Variants in PDE7B observed in about 807,000 individuals in gnomAD.
PDE7B encodes the protein phosphodiesterase 7B.
A neutral mutation model predicts 56.2 loss-of-function variants in PDE7B; 29 were observed. The observed-to-expected ratio is 0.52, with a 90% CI of 0.38 to 0.70. PDE7B has a LOEUF of 0.70. PDE7B is among the 30% of genes least tolerant of loss of function. The probability of loss-of-function intolerance (pLI) is 0.00; values close to 1 mark genes in which losing one functional copy is unlikely to be tolerated. For missense variants in PDE7B, 490 were observed against 565.0 expected (o/e 0.87, Z 1.35); for synonymous variants, 197 against 196.9 (o/e 1.00, Z 0.00).
At chr6:135,968,424 C>T (rs1775036310) in intron 2 of PDE7B, among the ~76,000 whole-genome samples, 1 of 151,994 alleles carries the variant, frequency 6.6e-6, no homozygotes, top group East Asian at 1.9e-4. Flanking sequence ...ATTCTAACAT[C>T]TAGAATCTAC....
chr6:136,116,477 C>T (rs1777833113), intron 3 of PDE7B, among the ~76,000 whole-genome samples: 1 of 152,216 alleles, frequency 6.6e-6, no homozygotes, highest in Non-Finnish European at 1.5e-5. Flanking sequence ...TGTAATCAGG[C>T]TGCAGACTGT....
intron 2 of PDE7B, among the ~76,000 whole-genome samples, chr6:136,002,571 C>T (rs1193466799): frequency 1.3e-5 from 2 of 152,164 alleles, no homozygotes; most frequent in Non-Finnish European, 2.9e-5. Flanking sequence ...ATAAAACAGA[C>T]CTGAAACCAA....
At chr6:136,023,867 A>G (rs1176555448) in intron 2 of PDE7B, among the ~76,000 whole-genome samples, 2 of 152,204 alleles carry the variant, frequency 1.3e-5, no homozygotes. Flanking sequence ...AAAGAAGAAA[A>G]TCACTACTTT....
chr6:136,016,796 C>T (rs542127654), intron 2 of PDE7B, among the ~76,000 whole-genome samples: 65 of 152,302 alleles, frequency 4.3e-4, no homozygotes, highest in Non-Finnish European at 8.2e-4. Context: ...CTCATCTGCA[C>T]ATTCTAAGGG....
At chr6:136,162,476 C>T (rs1778722665) in intron 8 of PDE7B, 1 of 152,196 alleles carries the variant, frequency 6.6e-6, no homozygotes, top group African/African-American at 2.4e-5. Context: ...CCTCCCATCA[C>T]ATGTAGGGCT....
intron 2 of PDE7B, among the ~76,000 whole-genome samples, chr6:136,005,563 T>C (rs962568253): frequency 6.6e-6 from 1 of 152,204 alleles, no homozygotes; most frequent in Non-Finnish European, 1.5e-5. Context: ...CAGACACTTC[T>C]CAAAAGAAGA....
chr6:136,045,768 G>A, intron 2 of PDE7B, among the ~76,000 whole-genome samples: 1 of 152,008 alleles, frequency 6.6e-6, no homozygotes, highest in Non-Finnish European at 1.5e-5. Context: ...AAATTGAAAG[G>A]TACAGGAGCC....
In PDE7B at chr6:136,109,915, A is replaced by G. The variant is rs192355604; in HGVS notation, c.166+1101A>G. ...TCTATAAATTTCAAAGTGCTAGATTATACCCAAAGAATATTACTTTCCTTT... is the reference window on the plus strand; with the variant it reads ...TCTATAAATTTCAAAGTGCTAGATTGTACCCAAAGAATATTACTTTCCTTT... On this transcript the variant is annotated intron_variant, in intron 3 of 12. Coordinates refer to ENST00000308191, the MANE Select transcript of PDE7B (RefSeq NM_018945.4). Among the ~76,000 whole-genome samples, 64 of 152,350 alleles carry G rather than the reference A, an allele frequency of 4.2e-4. 2 individuals are homozygous for G. The highest frequency in any genetic ancestry group is 1.6e-4 in the Non-Finnish European group (11 of 68,028).
chr6:135,900,740 T>C (rs1465351283), intron 1 of PDE7B, among the ~76,000 whole-genome samples: 1 of 152,130 alleles, frequency 6.6e-6, no homozygotes, highest in Non-Finnish European at 1.5e-5. Context: ...TATTTTTTTT[T>C]CAAAATTCTC....
At chr6:136,038,105 G>GA (rs1379336342) in intron 2 of PDE7B, 1 of 1,328,086 alleles carries the variant, frequency 7.5e-7, no homozygotes, top group Non-Finnish European at 9.9e-7. Context: ...TGCCAGGCTG[G>GA]AGGAGGCTTG....
intron 2 of PDE7B, among the ~76,000 whole-genome samples, chr6:136,085,637 G>GCTAT (rs1477469530): frequency 6.6e-6 from 1 of 152,150 alleles, no homozygotes; most frequent in Non-Finnish European, 1.5e-5. Context: ...TAGGTTGCTG[G>GCTAT]CTATCTGGGG....
chr6:136,004,766 T>C (rs1030213115), intron 2 of PDE7B, among the ~76,000 whole-genome samples: 14 of 152,232 alleles, frequency 9.2e-5, no homozygotes, highest in African/African-American at 3.4e-4. Context: ...ATCGTGAAAA[T>C]GGCCATACTG....
At chr6:135,852,567 T>A (rs900580041) in intron 1 of PDE7B, among the ~76,000 whole-genome samples, 17 of 152,146 alleles carry the variant, frequency 1.1e-4, no homozygotes, top group African/African-American at 4.1e-4. Context: ...CAATAGAAGA[T>A]GTCCAAAAAA....
At chr6:136,112,386 T>C (rs1562496043) in intron 3 of PDE7B, 1 of 152,158 alleles carries the variant, frequency 6.6e-6, no homozygotes, top group East Asian at 1.9e-4. Context: ...GCTATGCCCA[T>C]TTGTTTATAT....
intron 2 of PDE7B, among the ~76,000 whole-genome samples, chr6:136,006,324 G>T (rs1313562184): frequency 2.0e-5 from 3 of 151,716 alleles, no homozygotes; most frequent in Non-Finnish European, 4.4e-5. Context: ...CCTGTACATT[G>T]TGCACATGTA....
Position 135,870,434 on chromosome 6 carries a change from A to ATG in PDE7B, c.21+18432_21+18433dup, listed in dbSNP as rs142590011. Among the ~76,000 whole-genome samples the ATG allele has an allele frequency of 2.5e-3, 375 of 149,980 alleles. 2 individuals carry two copies. The highest frequency in any genetic ancestry group is 7.1e-3 in the African/African-American group (292 of 40,970). ...CTTAGAGGATTGCCATAAGGATTAA[A>ATG]TGTGTGTGTGTGTGTGTGCACACAG... On this transcript the variant is annotated intron_variant, in intron 1 of 12. Coordinates refer to ENST00000308191, the MANE Select transcript of PDE7B (RefSeq NM_018945.4).
intron 2 of PDE7B, among the ~76,000 whole-genome samples, chr6:136,048,101 C>G (rs576801117): frequency 6.6e-6 from 1 of 151,262 alleles, no homozygotes; most frequent in South Asian, 2.1e-4. Context: ...GACAGACAGA[C>G]AGACAGACAG....
intron 1 of PDE7B, among the ~76,000 whole-genome samples, chr6:135,866,412 A>C (rs1440968673): frequency 6.6e-6 from 1 of 152,188 alleles, no homozygotes; most frequent in Non-Finnish European, 1.5e-5. Context: ...ACATTTCTTT[A>C]CAAAAGCATT....
At chr6:135,870,835 A>G (rs1394488175) in intron 1 of PDE7B, among the ~76,000 whole-genome samples, 1 of 152,100 alleles carries the variant, frequency 6.6e-6, no homozygotes, top group Non-Finnish European at 1.5e-5. Flanking sequence ...AAGACAATGT[A>G]AAGAGGAAGA....
Sources: gnomAD v4.1 joint callset for allele counts (sites outside exome capture counted in the v4.1 genomes callset) on GRCh38, gnomAD v4.1.1 for gene constraint, MANE v1.5 for transcripts, NCBI Gene and HGNC (gene_info 2026-07-23, HGNC 2026-07-21) for gene names.